The following LMTK2 variants were observed in gnomAD, a reference collection of about 807,000 sequenced individuals.
LMTK2 encodes the protein serine/threonine-protein kinase LMTK2.
Under a neutral mutation model 127.5 loss-of-function variants are expected in LMTK2, and 37 were observed. The observed-to-expected ratio is 0.29, with a 90% confidence interval of 0.22 to 0.38. The LOEUF is 0.38. LMTK2 is among the 10% of genes least tolerant of loss of function. LMTK2 has a pLI of 1.00. For synonymous variants in LMTK2, 819 were observed against 810.1 expected (o/e 1.01, Z -0.19); for missense variants, 1,694 against 1,920.3 (o/e 0.88, Z 2.20).
intron 1 of LMTK2, among the ~76,000 whole-genome samples, chr7:98,109,738 C>T (rs572557944): frequency 1.1e-4 from 14 of 129,154 alleles, no homozygotes; most frequent in African/African-American, 2.3e-4. Flanking sequence ...AGTGAGACTC[C>T]GTCTCAAAAA....
intron 4 of LMTK2, among the ~76,000 whole-genome samples, chr7:98,153,707 TA>T (rs976050245): frequency 3.3e-5 from 5 of 151,194 alleles, no homozygotes; most frequent in Admixed American, 3.3e-4. Flanking sequence ...ACCCCATCTC[TA>T]AAAAAAAATT....
At chr7:98,201,245 A>G (rs947503082) in intron 11 of LMTK2, among the ~76,000 whole-genome samples, 13 of 152,224 alleles carry the variant, frequency 8.5e-5, no homozygotes, top group Middle Eastern at 3.4e-3. Context: ...ATTTGCAGTC[A>G]CTCAGATCAT....
At chr7:98,163,993 A>G (rs2116408344) in intron 6 of LMTK2, among the ~76,000 whole-genome samples, 1 of 152,366 alleles carries the variant, frequency 6.6e-6, no homozygotes, top group Non-Finnish European at 1.5e-5. Flanking sequence ...ATCATGCCCA[A>G]TGATAACATC....
chr7:98,152,724 A>G (rs886242639), intron 4 of LMTK2, among the ~76,000 whole-genome samples: 20 of 152,146 alleles, frequency 1.3e-4, no homozygotes, highest in African/African-American at 4.8e-4. Flanking sequence ...TGAAACGGGG[A>G]AATACTCTGG....
At chr7:98,112,384 C>T (rs1243990480) in intron 1 of LMTK2, among the ~76,000 whole-genome samples, 10 of 152,150 alleles carry the variant, frequency 6.6e-5, no homozygotes, top group African/African-American at 2.2e-4. Flanking sequence ...ATCTGTAAAA[C>T]GGAGAGAATA....
At chr7:98,174,558 G>A (rs568121462) in intron 7 of LMTK2, among the ~76,000 whole-genome samples, 1 of 152,192 alleles carries the variant, frequency 6.6e-6, no homozygotes, top group Non-Finnish European at 1.5e-5. Flanking sequence ...CAGCCTGTCC[G>A]TGAGATGCCA....
chr7:98,165,732 C>A (rs143285280), intron 6 of LMTK2, among the ~76,000 whole-genome samples: 37 of 152,102 alleles, frequency 2.4e-4, no homozygotes, highest in Non-Finnish European at 2.8e-4. Context: ...TAATAAGCCC[C>A]ATGCACCAGG....
intron 1 of LMTK2, among the ~76,000 whole-genome samples, chr7:98,109,686 G>A (rs1164284825): frequency 6.7e-6 from 1 of 150,184 alleles, no homozygotes; most frequent in Non-Finnish European, 1.5e-5. Flanking sequence ...GGAGCTTACA[G>A]TGAGCCGAGA....
chr7:98,171,442 T>A lies in LMTK2; in HGVS notation c.658-99T>A. ...AAGTATGAACAAAAGAAGTTTCTAATAAATAATCTTAACAGTTAGTGTTCA... is the reference window on the plus strand; with the variant it reads ...AAGTATGAACAAAAGAAGTTTCTAAAAAATAATCTTAACAGTTAGTGTTCA... On this transcript the variant is annotated intron_variant, in intron 6 of 13. Transcript: ENST00000297293. The surrounding 1 kb of genome is among the most constrained non-coding windows in gnomAD (Gnocchi z 5.1). The A allele has an allele frequency of 6.7e-7, 1 of 1,485,484 alleles. No individual in the cohort carries two copies. Among genetic ancestry groups the A allele is most frequent in the Non-Finnish European group, 9.4e-7 (1 of 1,065,660 alleles). The allele number at this position is 1,485,484 out of a possible 1,614,324, so 92.0% of individuals were successfully genotyped here.
At chr7:98,124,392 T>C (rs1796414047) in intron 1 of LMTK2, among the ~76,000 whole-genome samples, 1 of 152,228 alleles carries the variant, frequency 6.6e-6, no homozygotes, top group South Asian at 2.1e-4. Flanking sequence ...CTCATGACTG[T>C]TTCCCAGCAC....
At chr7:98,123,095 G>A (rs557911924) in intron 1 of LMTK2, among the ~76,000 whole-genome samples, 7 of 151,986 alleles carry the variant, frequency 4.6e-5, no homozygotes, top group East Asian at 1.9e-4. Flanking sequence ...GTCCTGTCCC[G>A]TTCCTCCCCA....
At chr7:98,180,298 C>CT (rs773405722) in intron 7 of LMTK2, among the ~76,000 whole-genome samples, 114 of 152,296 alleles carry the variant, frequency 7.5e-4, no homozygotes, top group Non-Finnish European at 1.2e-3. Flanking sequence ...TTTTGCCTTT[C>CT]TGTAAAGACA....
chr7:98,122,677 G>GGTGTGTGTGT (rs1192444903), intron 1 of LMTK2, among the ~76,000 whole-genome samples: 1 of 108,236 alleles, frequency 9.2e-6, no homozygotes, highest in African/African-American at 3.7e-5. Context: ...AACTCTACAT[G>GGTGTGTGTGT]GTGTGTGTGT....
intron 4 of LMTK2, among the ~76,000 whole-genome samples, chr7:98,153,750 C>T (rs1236080593): frequency 6.6e-6 from 1 of 152,012 alleles, no homozygotes; most frequent in Non-Finnish European, 1.5e-5. Context: ...CCTGTGGTCC[C>T]AGCTACACGG....
At chr7:98,131,958 G>A (rs1165726772) in intron 1 of LMTK2, among the ~76,000 whole-genome samples, 1 of 152,096 alleles carries the variant, frequency 6.6e-6, no homozygotes, top group East Asian at 1.9e-4. Flanking sequence ...AAGAAACCAG[G>A]GCTCTTTGGG....
chr7:98,138,836 G>C (rs975587758), intron 2 of LMTK2, among the ~76,000 whole-genome samples: 1 of 152,214 alleles, frequency 6.6e-6, no homozygotes, highest in African/African-American at 2.4e-5. Context: ...GTTCATTTGA[G>C]AGCCAGGAAT....
At chr7:98,188,260 C>T (rs1223540530) in intron 9 of LMTK2, among the ~76,000 whole-genome samples, 1 of 151,744 alleles carries the variant, frequency 6.6e-6, no homozygotes, top group African/African-American at 2.4e-5. Flanking sequence ...TTTTTCTTTC[C>T]CCCTTGTGTA....
chr7:98,195,762 G>A (rs145833486), intron 11 of LMTK2, among the ~76,000 whole-genome samples: 25 of 152,290 alleles, frequency 1.6e-4, no homozygotes, highest in Admixed American at 8.5e-4. Flanking sequence ...CAGGAGCTGC[G>A]TCTGTTGAAC....
chr7:98,208,085 T>C lies in LMTK2; in HGVS notation c.*2593T>C, dbSNP rs1044283635. On this transcript the variant is annotated 3_prime_UTR_variant, in exon 14 of 14. Transcript: ENST00000297293. The stretch of plus-strand genomic sequence containing the variant: ...GAGACCATGCCACTGTACTCTAGCC[T>C]GGGTAACAGCCAGACCCTGTCTCAA... The C allele has an allele frequency of 9.2e-5, 14 of 151,644 alleles. 1 individual carries two copies. The allele number at this position is 151,644 out of a possible 1,614,324, so 9.4% of individuals were successfully genotyped here. A position where few individuals can be genotyped will look rare whatever the true frequency, so the allele number is the denominator to read the frequency against.
Sources: gnomAD v4.1 joint callset for allele counts (sites outside exome capture counted in the v4.1 genomes callset) on GRCh38, gnomAD v4.1.1 for gene constraint, Gnocchi (gnomAD v3.1) non-coding constraint, MANE v1.5 for transcripts, NCBI Gene and HGNC (gene_info 2026-07-23, HGNC 2026-07-21) for gene names.